TPO: variants seen among roughly 807,000 people sequenced by gnomAD.
TPO encodes the protein thyroid peroxidase.
In TPO, 78 loss-of-function variants were observed where a neutral mutation model predicts 96.9. The observed-to-expected ratio is 0.81, with a 90% CI of 0.67 to 0.97. The LOEUF (loss-of-function observed/expected upper bound fraction) is 0.97. Ranked by LOEUF, TPO falls within the 50% of genes least tolerant of loss-of-function variation. The probability of loss-of-function intolerance (pLI) is 0.00; values close to 1 mark genes in which losing one functional copy is unlikely to be tolerated. For synonymous variants in TPO, 547 were observed against 538.0 expected (o/e 1.02, Z -0.23); for missense variants, 1,252 against 1,274.8 (o/e 0.98, Z 0.27).
At chr2:1,414,311 G>A in intron 1 of TPO, 97 bp from the exon 2 acceptor site, 5 of 1,199,756 alleles carry the variant, frequency 4.2e-6, no homozygotes, top group Non-Finnish European at 6.0e-6. Flanking sequence ...CGTGGAGTCA[G>A]TGGAGGGAGC....
chr2:1,403,296 G>A (rs1021011546), intron 1 of TPO, among the ~76,000 whole-genome samples: 1 of 152,190 alleles, frequency 6.6e-6, no homozygotes, highest in Non-Finnish European at 1.5e-5. Flanking sequence ...GCCATGCCCG[G>A]GCAGCCTGGC....
chr2:1,541,117 GT>G, intron 16 of TPO: 1 of 1,191,260 alleles, frequency 8.4e-7, no homozygotes, highest in Non-Finnish European at 1.1e-6. Flanking sequence ...GTATGTTTAT[GT>G]TTTACCCCCT....
chr2:1,479,550 G>A (rs1041517735), intron 8 of TPO, among the ~76,000 whole-genome samples: 6 of 152,252 alleles, frequency 3.9e-5, no homozygotes, highest in African/African-American at 7.2e-5. Flanking sequence ...TTCACAGAGC[G>A]GGAAACGCCC....
intron 14 of TPO, among the ~76,000 whole-genome samples, chr2:1,512,627 C>G (rs1291145771): frequency 6.6e-6 from 1 of 152,244 alleles, no homozygotes; most frequent in Non-Finnish European, 1.5e-5. Flanking sequence ...CCTCAAGCAG[C>G]TGGCTGCCTC....
chr2:1,526,974 C>G (rs537016783), intron 15 of TPO, among the ~76,000 whole-genome samples: 2 of 144,644 alleles, frequency 1.4e-5, no homozygotes, highest in Admixed American at 6.9e-5. Context: ...GCAACCTACT[C>G]AAATCCCCAC....
chr2:1,461,778 C>T (rs560832987), intron 7 of TPO, among the ~76,000 whole-genome samples: 1 of 152,284 alleles, frequency 6.6e-6, no homozygotes, highest in African/African-American at 2.4e-5. Flanking sequence ...CCTGCACACA[C>T]CTCACATGCA....
At chr2:1,391,263 C>T (rs1298940664) in intron 1 of TPO, among the ~76,000 whole-genome samples, 3 of 152,144 alleles carry the variant, frequency 2.0e-5, no homozygotes, top group African/African-American at 7.2e-5. Context: ...GCCAGTTTTC[C>T]CAGCACCATT....
chr2:1,514,767 G>C lies in TPO; in HGVS notation c.2519-2116G>C, dbSNP rs1394005030. Among the ~76,000 whole-genome samples the C allele has an allele frequency of 2.6e-5, 4 of 152,354 alleles. No homozygotes were observed. The East Asian group carries it at 7.7e-4, about 29-fold the overall frequency. ...TGGCTCTTGAAATTGAAAATGCCAA[G>C]AAACAAAAATTTGGAGCAAAGAATA... On this transcript the variant is annotated intron_variant, in intron 14 of 16. Transcript: ENST00000329066.
At chr2:1,492,095 C>CT (rs1671824148) in intron 10 of TPO, among the ~76,000 whole-genome samples, 1 of 152,186 alleles carries the variant, frequency 6.6e-6, no homozygotes, top group Non-Finnish European at 1.5e-5. Flanking sequence ...AGGGAGCCAC[C>CT]TGCTAAGAAA....
intron 5 of TPO, among the ~76,000 whole-genome samples, chr2:1,436,918 C>A (rs373772696): frequency 2.4e-4 from 36 of 152,330 alleles, no homozygotes; most frequent in East Asian, 2.3e-3. Context: ...TCAGCACCCT[C>A]CTTCTCAACT....
chr2:1,520,754 A>G (rs1169180029), intron 15 of TPO, among the ~76,000 whole-genome samples: 2 of 152,228 alleles, frequency 1.3e-5, no homozygotes, highest in African/African-American at 2.4e-5. Context: ...GCAAACTTTT[A>G]CACTAAAAAT....
intron 1 of TPO, among the ~76,000 whole-genome samples, chr2:1,378,485 C>T (rs1661756160): frequency 6.6e-6 from 1 of 152,238 alleles, no homozygotes; most frequent in Non-Finnish European, 1.5e-5. Flanking sequence ...TGGCTCAGAG[C>T]ACACAGCCCA....
intron 15 of TPO, among the ~76,000 whole-genome samples, chr2:1,525,152 G>A (rs1273605013): frequency 8.6e-6 from 1 of 116,208 alleles, no homozygotes; most frequent in East Asian, 2.6e-4. Context: ...CTCACTGTGT[G>A]CAACCTCCTC....
chr2:1,409,175 G>A (rs369681817), upstream of TPO, among the ~76,000 whole-genome samples: 3 of 152,248 alleles, frequency 2.0e-5, no homozygotes, highest in East Asian at 3.9e-4. Flanking sequence ...GCACGGGGAC[G>A]TGACTGCTGT....
At chr2:1,490,012 G>A (rs1483944977) in intron 10 of TPO, among the ~76,000 whole-genome samples, 2 of 101,342 alleles carry the variant, frequency 2.0e-5, no homozygotes, top group East Asian at 3.0e-4. Flanking sequence ...TGTAAGAGCC[G>A]CCACGAGGGT....
At chr2:1,444,489 G>A (rs1573213436) in intron 5 of TPO, among the ~76,000 whole-genome samples, 1 of 123,302 alleles carries the variant, frequency 8.1e-6, no homozygotes, top group South Asian at 3.3e-4. Context: ...GAGGTACTGT[G>A]TTGGAAGGGA....
intron 15 of TPO, among the ~76,000 whole-genome samples, chr2:1,524,567 C>A (rs543833023): frequency 2.1e-3 from 268 of 130,462 alleles, no homozygotes; most frequent in Admixed American, 3.3e-3. Context: ...TGTGTGCAAC[C>A]CCCCCAATCC....
At chr2:1,439,143 C>T in intron 5 of TPO, 1 of 353,586 alleles carries the variant, frequency 2.8e-6, no homozygotes. Flanking sequence ...TTCTGAAAGG[C>T]CCTGCTGCTG....
At chr2:1,481,395 C>T (rs1670627209) in intron 8 of TPO, among the ~76,000 whole-genome samples, 1 of 152,158 alleles carries the variant, frequency 6.6e-6, no homozygotes, top group Non-Finnish European at 1.5e-5. Context: ...ATAAAGACAT[C>T]CCAAATATCT....
Sources: gnomAD v4.1 joint callset for allele counts (sites outside exome capture counted in the v4.1 genomes callset) on GRCh38, gnomAD v4.1.1 for gene constraint, MANE v1.5 for transcripts, NCBI Gene and HGNC (gene_info 2026-07-23, HGNC 2026-07-21) for gene names.